The following AUTS2 variants were observed in gnomAD, a reference collection of about 807,000 sequenced individuals.
The protein encoded by AUTS2 is activator of transcription and developmental regulator AUTS2.
In AUTS2, 17 loss-of-function variants were observed where a neutral mutation model predicts 112.4. The observed-to-expected ratio is 0.15, with a 90% confidence interval of 0.10 to 0.23. The LOEUF is 0.23. Ranked by LOEUF, AUTS2 falls within the 10% of genes least tolerant of loss-of-function variation. AUTS2 has a pLI of 1.00. For missense variants in AUTS2, 1,510 were observed against 1,701.6 expected (o/e 0.89, Z 1.98); for synonymous variants, 751 against 702.7 (o/e 1.07, Z -1.09).
At chr7:70,414,651 G>A (rs992053144) in intron 4 of AUTS2, among the ~76,000 whole-genome samples, 1 of 152,150 alleles carries the variant, frequency 6.6e-6, no homozygotes, top group Non-Finnish European at 1.5e-5. Context: ...CCTAGAAAGA[G>A]AGAATATGGC....
chr7:70,050,959 C>T (rs992413179), intron 2 of AUTS2, among the ~76,000 whole-genome samples: 8 of 152,186 alleles, frequency 5.3e-5, no homozygotes, highest in African/African-American at 1.9e-4. Context: ...CATGCTACTG[C>T]ACTCCAGCCT....
At chr7:70,119,367 AT>A (rs34967195) in intron 3 of AUTS2, 35,873 of 137,948 alleles carry the variant, frequency 0.26, 4,170 homozygotes, top group Middle Eastern at 0.37. Context: ...AAGTAAAGAG[AT>A]TTTTTTTTTT....
intron 6 of AUTS2, among the ~76,000 whole-genome samples, chr7:70,724,443 CTT>C (rs71077675): frequency 2.4e-4 from 24 of 101,360 alleles, no homozygotes; most frequent in African/African-American, 5.5e-4. Context: ...TTCATCCTGA[CTT>C]TTTTTTTTTT....
intron 2 of AUTS2, among the ~76,000 whole-genome samples, chr7:69,976,666 A>G (rs1045719999): frequency 2.6e-5 from 4 of 152,198 alleles, no homozygotes; most frequent in African/African-American, 7.2e-5. Context: ...AGCAATCTCA[A>G]TAGATCTGAG....
chr7:69,994,621 G>T (rs1434989821), intron 2 of AUTS2, among the ~76,000 whole-genome samples: 1 of 152,122 alleles, frequency 6.6e-6, no homozygotes, highest in Non-Finnish European at 1.5e-5. Flanking sequence ...ATTTCAGTGG[G>T]ATTATAGTAT....
chr7:70,234,423 T>G (rs1472590687), intron 4 of AUTS2, among the ~76,000 whole-genome samples: 1 of 152,224 alleles, frequency 6.6e-6, no homozygotes, highest in African/African-American at 2.4e-5. Context: ...CCTTTTACAC[T>G]TTTTCATTCC....
At chr7:69,636,593 ATTTTTCTTTCTATACC>A (rs1469507788) in intron 1 of AUTS2, among the ~76,000 whole-genome samples, 11 of 150,336 alleles carry the variant, frequency 7.3e-5, no homozygotes, top group Admixed American at 3.3e-4. Flanking sequence ...ACAACCTAGT[ATTTTTCTTTCTATACC>A]TTTTCTGTAT....
intron 1 of AUTS2, among the ~76,000 whole-genome samples, chr7:69,718,923 T>C (rs956080922): frequency 3.9e-5 from 6 of 152,200 alleles, no homozygotes; most frequent in Non-Finnish European, 8.8e-5. Flanking sequence ...CTCTTCTTCA[T>C]TGTGACAAAA....
chr7:70,160,716 G>A (rs989075795), intron 4 of AUTS2, among the ~76,000 whole-genome samples: 3 of 152,194 alleles, frequency 2.0e-5, no homozygotes, highest in Non-Finnish European at 1.5e-5. Flanking sequence ...ATTTGTGAAA[G>A]GGCCTTCATC....
intron 4 of AUTS2, among the ~76,000 whole-genome samples, chr7:70,335,677 C>T (rs922930658): frequency 1.3e-5 from 2 of 152,132 alleles, no homozygotes; most frequent in Non-Finnish European, 2.9e-5. Flanking sequence ...ATAAGAAGGA[C>T]GTGGAGATCT....
intron 6 of AUTS2, among the ~76,000 whole-genome samples, chr7:70,712,170 C>G (rs1810090886): frequency 6.9e-6 from 1 of 144,054 alleles, no homozygotes; most frequent in Non-Finnish European, 1.5e-5. Context: ...GACTTACAGG[C>G]ACAAGCCACC....
intron 6 of AUTS2, among the ~76,000 whole-genome samples, chr7:70,734,439 CA>C (rs146109756): frequency 1.0e-4 from 15 of 144,376 alleles, no homozygotes; most frequent in East Asian, 2.0e-4. Context: ...GAGTCTATCT[CA>C]AAAAAAAAAG....
At chr7:70,668,079 A>C (rs1442019735) in intron 5 of AUTS2, among the ~76,000 whole-genome samples, 1 of 152,230 alleles carries the variant, frequency 6.6e-6, no homozygotes, top group African/African-American at 2.4e-5. Context: ...TCCTGCGTCC[A>C]AGTGGTTGTC....
intron 4 of AUTS2, among the ~76,000 whole-genome samples, chr7:70,163,345 G>GGGA (rs1554329575): frequency 3.4e-5 from 1 of 29,136 alleles, no homozygotes; most frequent in Non-Finnish European, 8.3e-5. Flanking sequence ...TTGTGGTGGT[G>GGGA]GGGGGGGGGG....
chr7:70,035,519 A>G (rs1271643823), intron 2 of AUTS2, among the ~76,000 whole-genome samples: 3 of 152,196 alleles, frequency 2.0e-5, no homozygotes, highest in Non-Finnish European at 4.4e-5. Context: ...GCCATATTAT[A>G]GCTTCATCAG....
chr7:69,984,184 A>G lies in AUTS2; in HGVS notation c.522+84686A>G, dbSNP rs373441967. ...TGTAATCCCAGCACTTTGGGAGGCCAAGGCGGGCGGATCACGAGGTCAGGA... is the reference window on the plus strand; with the variant it reads ...TGTAATCCCAGCACTTTGGGAGGCCGAGGCGGGCGGATCACGAGGTCAGGA... On this transcript the variant is annotated intron_variant, in intron 2 of 18. Coordinates refer to ENST00000342771, the MANE Select transcript of AUTS2 (RefSeq NM_015570.4). 3.5e-4 allele frequency among the ~76,000 whole-genome samples: 53 copies of G among 152,190 alleles called. 2 individuals are homozygous for G. The South Asian group carries it at 0.011, about 31-fold the overall frequency.
chr7:70,747,176 C>T (rs1380458218), intron 6 of AUTS2, among the ~76,000 whole-genome samples: 2 of 152,168 alleles, frequency 1.3e-5, no homozygotes, highest in Non-Finnish European at 2.9e-5. Context: ...CAAATGAAGG[C>T]CGTATTACCT....
intron 6 of AUTS2, among the ~76,000 whole-genome samples, chr7:70,748,319 A>G (rs1338214248): frequency 6.6e-6 from 1 of 152,232 alleles, no homozygotes; most frequent in Non-Finnish European, 1.5e-5. Context: ...TATTTATTAC[A>G]TGGATGTTTT....
chr7:70,475,483 T>C (rs986623390), intron 5 of AUTS2, among the ~76,000 whole-genome samples: 1 of 152,212 alleles, frequency 6.6e-6, no homozygotes, highest in Non-Finnish European at 1.5e-5. Context: ...TTTAAAGACC[T>C]AAATGGCTGG....
Sources: allele counts gnomAD v4.1 joint callset (sites outside exome capture counted in the v4.1 genomes callset), GRCh38; gene constraint gnomAD v4.1.1; transcripts MANE v1.5; gene names NCBI Gene and HGNC (gene_info 2026-07-23, HGNC 2026-07-21).